MGARP: variants seen among roughly 807,000 people sequenced by gnomAD.
MGARP encodes the protein protein MGARP.
A neutral mutation model predicts 11.0 loss-of-function variants in MGARP; 12 were observed. That is an observed-to-expected ratio of 1.09 (90% CI 0.70 to 1.77). The LOEUF (loss-of-function observed/expected upper bound fraction) is 1.77, where lower values mean the gene tolerates loss of function less well. Among genes scored for constraint, MGARP ranks in the 40% most tolerant of loss-of-function variants. The pLI is 0.00. For synonymous variants in MGARP, 110 were observed against 115.4 expected (o/e 0.95, Z 0.30); for missense variants, 283 against 297.8 (o/e 0.95, Z 0.36).
intron 2 of MGARP, among the ~76,000 whole-genome samples, chr4:139,270,023 C>T (rs952110257): frequency 1.5e-3 from 228 of 152,094 alleles, no homozygotes; most frequent in East Asian, 3.9e-4. Flanking sequence ...ATGTCGGGGC[C>T]GGGTGCAATG....
chr4:139,267,662 A>G (rs1159930038), intron 3 of MGARP, among the ~76,000 whole-genome samples: 2 of 152,236 alleles, frequency 1.3e-5, no homozygotes, highest in Non-Finnish European at 2.9e-5. Flanking sequence ...AGTATTATAA[A>G]CAACCGCATG....
intron 2 of MGARP, among the ~76,000 whole-genome samples, chr4:139,271,870 G>C (rs1256027602): frequency 6.6e-6 from 1 of 152,218 alleles, no homozygotes. Flanking sequence ...AGGGTTCTCA[G>C]GGATGGCTGG....
At position 139,266,810 on chromosome 4, in the gene MGARP, A is replaced by T. The variant is rs34914234; in HGVS notation, c.512T>A (p.Val171Glu). The change falls in exon 4 of 4, where the codon GTA (valine) becomes GAA (glutamate). Residue 171 changes from valine to glutamate, a missense_variant. Val to Glu is a moderately radical substitution (Grantham distance 121). Coordinates refer to ENST00000398955, the MANE Select transcript of MGARP (RefSeq NM_032623.4). Reference sequence around the variant, plus strand: ...AACCTCTGGGGTTGTTTCAGGGTTTACTTCCGTGGTTTCCCTCGCCGCTGC... The same window carrying T: ...AACCTCTGGGGTTGTTTCAGGGTTTTCTTCCGTGGTTTCCCTCGCCGCTGC... Reference protein sequence around the residue: ...TDAAARETTEVNPETTPEVTN... With the variant: ...TDAAARETTEENPETTPEVTN... The T allele has an allele frequency of 6.2e-7, 1 of 1,614,080 alleles. No homozygotes were observed. The highest frequency in any genetic ancestry group is 1.3e-5 in the African/African-American group (1 of 75,022).
intron 2 of MGARP, 38 bp downstream of exon 2, chr4:139,275,251 C>A (rs1213819872): frequency 6.5e-7 from 1 of 1,541,518 alleles, no homozygotes; most frequent in Admixed American, 1.7e-5. Flanking sequence ...TTGTAAAATA[C>A]ATGAATTCTT....
At position 139,280,117 on chromosome 4, in the gene MGARP, C is replaced by A. The variant is rs1290834138; in HGVS notation, c.42G>T (p.Pro14=). The A allele has an allele frequency of 1.2e-6, 2 of 1,611,976 alleles. No homozygotes were observed. Among genetic ancestry groups the A allele is most frequent in the Admixed American group, 3.3e-5 (2 of 59,990 alleles). The change falls in exon 1 of 4, where the codon CCG becomes CCT. Residue 14 remains proline (P), a synonymous_variant. Coordinates refer to ENST00000398955, the MANE Select transcript of MGARP (RefSeq NM_032623.4). ...RRAVSKTLAL[P]LRAPPNPAPL... The stretch of plus-strand genomic sequence containing the variant: ...GCGCGGGGTTGGGGGGCGCCCTCAG[C>A]GGCAGCGCCAGAGTCTTGGAGACCG...
chr4:139,270,536 G>T (rs1488362291), intron 2 of MGARP, among the ~76,000 whole-genome samples: 1 of 149,568 alleles, frequency 6.7e-6, no homozygotes, highest in African/African-American at 2.5e-5. Context: ...GTGAACCCAG[G>T]AGGTGGAGCT....
chr4:139,272,752 T>A (rs373451315), intron 2 of MGARP, among the ~76,000 whole-genome samples: 9 of 138,902 alleles, frequency 6.5e-5, no homozygotes, highest in Middle Eastern at 4.1e-3. Context: ...AGTGGTGCAA[T>A]CTTGGCTCAC....
At chr4:139,269,630 C>CAAA (rs56142345) in intron 2 of MGARP, among the ~76,000 whole-genome samples, 23 of 81,796 alleles carry the variant, frequency 2.8e-4, no homozygotes, top group African/African-American at 8.0e-4. Flanking sequence ...GACTCCATCT[C>CAAA]AAAAAAAAAA....
chr4:139,266,510 T>C lies in MGARP; in HGVS notation c.*89A>G. ...TAACGTTTTCTAGAAAATAAGTCTT[T>C]TTTTTTTTAAACTAAGTGTACTAAA... is the stretch of plus-strand genomic sequence containing the variant. On this transcript the variant is annotated 3_prime_UTR_variant, in exon 4 of 4. Coordinates refer to ENST00000398955, the MANE Select transcript of MGARP (RefSeq NM_032623.4). 7.9e-7 allele frequency: 1 copy of C among 1,261,960 alleles called. No individual in the cohort carries two copies. Among genetic ancestry groups the C allele is most frequent in the Admixed American group, 2.8e-5 (1 of 35,200 alleles). 78.2% of individuals were successfully genotyped at this position (1,261,960 alleles called of 1,614,324 possible). A position where few individuals can be genotyped will look rare whatever the true frequency, so the allele number is the denominator to read the frequency against.
intron 2 of MGARP, among the ~76,000 whole-genome samples, chr4:139,271,482 C>A (rs554233466): frequency 2.2e-4 from 33 of 152,084 alleles, no homozygotes; most frequent in Non-Finnish European, 3.7e-4. Context: ...GATGAGATTG[C>A]GCCATCGCAC....
At position 139,268,933 on chromosome 4, in the gene MGARP, T is replaced by C. The variant is rs564345727; in HGVS notation, c.187-168A>G. On this transcript the variant is annotated intron_variant, in intron 2 of 3. Coordinates refer to ENST00000398955, the MANE Select transcript of MGARP (RefSeq NM_032623.4). ...CACACCACTTACTCTTTTACTTCCCTTTTGGAAATCTTTGTTATTAAATAG... is the reference window on the plus strand; with the variant it reads ...CACACCACTTACTCTTTTACTTCCCCTTTGGAAATCTTTGTTATTAAATAG... 7.9e-5 allele frequency among the ~76,000 whole-genome samples: 12 copies of C among 152,336 alleles called. No homozygotes were observed. In the South Asian group the frequency reaches 2.3e-3, roughly 29 times the overall value.
At position 139,266,258 on chromosome 4, in the gene MGARP, C is replaced by A; in HGVS notation, c.*341G>T. Reference sequence around the variant, plus strand: ...AAGCATAGTGAAATTAAAGTAAATACAGGTTGTATGGATAGCTCAATTTCT... The same window carrying A: ...AAGCATAGTGAAATTAAAGTAAATAAAGGTTGTATGGATAGCTCAATTTCT... On this transcript the variant is annotated 3_prime_UTR_variant, in exon 4 of 4. Transcript: ENST00000398955. 1 of 191,826 alleles carries A rather than the reference C, an allele frequency of 5.2e-6. No individual in the cohort carries two copies. Among genetic ancestry groups the A allele is most frequent in the Non-Finnish European group, 1.1e-5 (1 of 92,676 alleles). The allele number at this position is 191,826 out of a possible 1,614,324, so 11.9% of individuals were successfully genotyped here.
chr4:139,279,083 A>G (rs1294160479), intron 1 of MGARP, among the ~76,000 whole-genome samples: 1 of 152,180 alleles, frequency 6.6e-6, no homozygotes, highest in Non-Finnish European at 1.5e-5. Context: ...AGAGAGCATT[A>G]AGAACCCTTC....
intron 1 of MGARP, among the ~76,000 whole-genome samples, 190 bp from the exon 2 acceptor site, chr4:139,275,582 G>A (rs1227505602): frequency 6.6e-6 from 1 of 152,164 alleles, no homozygotes; most frequent in Non-Finnish European, 1.5e-5. Context: ...AATCTAATTT[G>A]ATAAACACTC....
At chr4:139,276,567 G>A (rs1744877286) in intron 1 of MGARP, among the ~76,000 whole-genome samples, 1 of 152,204 alleles carries the variant, frequency 6.6e-6, no homozygotes, top group Admixed American at 6.5e-5. Flanking sequence ...AATGCTAGCA[G>A]TGGGTGCAGT....
intron 2 of MGARP, among the ~76,000 whole-genome samples, chr4:139,274,543 A>T (rs1744838611): frequency 6.6e-6 from 1 of 152,056 alleles, no homozygotes; most frequent in African/African-American, 2.4e-5. Flanking sequence ...GAGTGCCATG[A>T]TGTGATCTTG....
intron 2 of MGARP, among the ~76,000 whole-genome samples, chr4:139,272,358 C>A (rs1005813447): frequency 6.6e-6 from 1 of 151,806 alleles, no homozygotes; most frequent in Non-Finnish European, 1.5e-5. Flanking sequence ...AGATCAAGAC[C>A]ATACTGGCTA....
chr4:139,270,012 A>T (rs996164903), intron 2 of MGARP, among the ~76,000 whole-genome samples: 12 of 152,196 alleles, frequency 7.9e-5, no homozygotes, highest in African/African-American at 2.6e-4. Context: ...GAATGTCTGT[A>T]ATGTCGGGGC....
intron 2 of MGARP, among the ~76,000 whole-genome samples, chr4:139,274,856 C>T (rs1029606059): frequency 2.0e-5 from 3 of 152,114 alleles, no homozygotes; most frequent in Non-Finnish European, 2.9e-5. Context: ...ACCTTGTAGA[C>T]TTGTTGTAAT....
Sources: gnomAD v4.1 joint callset for allele counts (sites outside exome capture counted in the v4.1 genomes callset) on GRCh38, gnomAD v4.1.1 for gene constraint, MANE v1.5 for transcripts, NCBI Gene and HGNC (gene_info 2026-07-23, HGNC 2026-07-21) for gene names.